CUZD1: variants seen among roughly 807,000 people sequenced by gnomAD.
CUZD1 encodes CUB and zona pellucida-like domain-containing protein 1.
In CUZD1, 42 loss-of-function variants were observed where a neutral mutation model predicts 53.1. The ratio of observed to expected loss-of-function variants is 0.79; its 90% CI spans 0.62 to 1.02. The LOEUF (loss-of-function observed/expected upper bound fraction) is 1.02. CUZD1 is among the 50% of genes least tolerant of loss of function. CUZD1 has a pLI of 0.00. For missense variants in CUZD1, 670 were observed against 715.7 expected, an observed-to-expected ratio of 0.94 and a Z score of 0.73; for synonymous variants, 238 against 257.2, an observed-to-expected ratio of 0.93 and a Z score of 0.71.
Position 122,835,074 on chromosome 10 carries a change from G to T in CUZD1, c.1014C>A (p.Tyr338Ter). Residue 338 changes from tyrosine (Y) to a stop codon, truncating the protein, a stop_gained, in exon 7 of 9, where the codon TAC becomes TAA. Coordinates refer to ENST00000392790, the MANE Select transcript of CUZD1 (RefSeq NM_022034.6). LOFTEE classifies it high-confidence loss of function. The part of the protein sequence containing the change: ...IRKVEDQSIT[Y>*]TNIITFSASS... The stretch of plus-strand genomic sequence containing the variant: ...ATGCAGAAAAGGTGATTATATTGGT[G>T]TAAGTAATTGACTGATCTTCTACCT... The T allele has an allele frequency of 1.9e-6, 3 of 1,584,738 alleles. No individual in the cohort carries two copies. Among genetic ancestry groups the T allele is most frequent in the Admixed American group, 1.8e-5 (1 of 55,896 alleles).
chr10:122,836,441 TA>T, intron 5 of CUZD1, 91 bp from the exon 6 acceptor site: 1 of 1,169,002 alleles, frequency 8.6e-7, no homozygotes, highest in Non-Finnish European at 1.2e-6. Flanking sequence ...AGTAAATATA[TA>T]AAAAGTCAAA....
In CUZD1 at chr10:122,834,807, A is replaced by G; in HGVS notation, c.1281T>C (p.Ser427=). 6.2e-7 allele frequency: 1 copy of G among 1,613,910 alleles called. No individual in the cohort carries two copies. The highest frequency in any genetic ancestry group is 8.5e-7 in the Non-Finnish European group (1 of 1,179,842). The change falls in exon 7 of 9, where the codon AGT becomes AGC. Residue 427 remains serine (S), a synonymous_variant. Transcript: ENST00000392790. ...CCAAATTTGGATCTGAGGTGTGCAG[A>G]CTAACTTGAACAAAAAGAGTTTGGT... ...DLNQTLFVQV[S]LHTSDPNLVV...
Position 122,836,895 on chromosome 10 carries a change from A to T in CUZD1, c.753T>A (p.Tyr251Ter). The change falls in exon 5 of 9, where the codon TAT becomes TAA. Residue 251 changes from tyrosine (Y) to a stop codon, truncating the protein, a stop_gained. Transcript: ENST00000392790. LOFTEE classifies it high-confidence loss of function. ...CAGAAAATCCCCGGTAAGAATTGGC[A>T]TAATCTGTAGACAACACGACAGTCA... ...NSLTVVLSTDYANSYRGFSAS... is the reference protein window; with the variant it reads ...NSLTVVLSTD The T allele has an allele frequency of 6.2e-7, 1 of 1,614,168 alleles. No individual in the cohort carries two copies. The highest frequency in any genetic ancestry group is 8.5e-7 in the Non-Finnish European group (1 of 1,180,002).
chr10:122,834,028 A>AG, intron 7 of CUZD1, 88 bp from the exon 8 acceptor site: 1 of 1,139,888 alleles, frequency 8.8e-7, no homozygotes, highest in Non-Finnish European at 1.3e-6. Context: ...CTAAGTTGTG[A>AG]ATCCAAAAAT....
chr10:122,843,693 T>C (rs1847380326), intron 1 of CUZD1, among the ~76,000 whole-genome samples: 1 of 151,530 alleles, frequency 6.6e-6, no homozygotes. Context: ...ATATCCAGAA[T>C]AAGTAAATTT....
chr10:122,839,249 C>A lies in CUZD1; in HGVS notation c.234-18G>T. The A allele has an allele frequency of 6.2e-7, 1 of 1,610,736 alleles. No homozygotes were observed. Among genetic ancestry groups the A allele is most frequent in the Non-Finnish European group, 8.5e-7 (1 of 1,177,258 alleles). On this transcript the variant is annotated intron_variant, in intron 2 of 8. Coordinates refer to ENST00000392790, the MANE Select transcript of CUZD1 (RefSeq NM_022034.6). ...GATCAAGCCTGTGGAAAAAACACAACTGTGGCTGAAGAAGTGTCACAAGCA... is the reference window on the plus strand; with the variant it reads ...GATCAAGCCTGTGGAAAAAACACAAATGTGGCTGAAGAAGTGTCACAAGCA...
chr10:122,842,995 C>T (rs1370670130), intron 1 of CUZD1, among the ~76,000 whole-genome samples: 1 of 152,196 alleles, frequency 6.6e-6, no homozygotes, highest in Non-Finnish European at 1.5e-5. Flanking sequence ...AACTGGAATG[C>T]TTATACACTG....
At chr10:122,836,461 G>A in intron 5 of CUZD1, 111 bp from the exon 6 acceptor site, 3 of 923,470 alleles carry the variant, frequency 3.2e-6, no homozygotes, top group Middle Eastern at 3.4e-4. Context: ...AAACCATTTT[G>A]CCCTAAACAG....
At position 122,832,399 on chromosome 10, in the gene CUZD1, C is replaced by G; in HGVS notation, c.1703G>C (p.Ser568Thr). The change falls in exon 9 of 9, where the codon AGT becomes ACT. Residue 568 changes from serine (S) to threonine (T), a missense_variant. Coordinates refer to ENST00000392790, the MANE Select transcript of CUZD1 (RefSeq NM_022034.6). ...AACCATGAAGGAAAACAGATGCACA[C>G]TGTTGAAAGGCTGGTTTGGAGTTTC... The part of the protein sequence containing the change: ...AEETPNQPFN[S>T]VHLFSFMVLA... 1 of 1,614,134 alleles carries G rather than the reference C, an allele frequency of 6.2e-7. No individual in the cohort carries two copies.
chr10:122,836,188 G>A lies in CUZD1; in HGVS notation c.980C>T (p.Thr327Ile). The A allele has an allele frequency of 2.5e-6, 4 of 1,602,892 alleles. No individual in the cohort carries two copies. The highest frequency in any genetic ancestry group is 3.4e-6 in the Non-Finnish European group (4 of 1,176,618). ...EFSVPLNGCG[T>I]IRKVEDQSIT... is the part of the protein sequence containing the mutation. Reference sequence around the variant, plus strand: ...AGTATTTCACTTTACCTTTCTGATTGTACCACATCCATTAAGAGGGACAGA... The same window carrying A: ...AGTATTTCACTTTACCTTTCTGATTATACCACATCCATTAAGAGGGACAGA... The change falls in exon 6 of 9, where the codon ACA (threonine) becomes ATA (isoleucine). Residue 327 changes from threonine to isoleucine, a missense_variant. Thr to Ile is a moderately conservative substitution (Grantham distance 89). Transcript: ENST00000392790.
chr10:122,840,088 C>T (rs1322526329), intron 2 of CUZD1, among the ~76,000 whole-genome samples: 2 of 152,208 alleles, frequency 1.3e-5, no homozygotes, highest in South Asian at 4.1e-4. Flanking sequence ...CCCACAATTT[C>T]TCTTCCCCTC....
Position 122,845,775 on chromosome 10 carries a change from C to T in CUZD1, c.69G>A (p.Met23Ile), listed in dbSNP as rs537258967. 7 of 1,613,906 alleles carry T rather than the reference C, an allele frequency of 4.3e-6. No individual in the cohort carries two copies. The highest frequency in any genetic ancestry group is 5.1e-6 in the Non-Finnish European group (6 of 1,179,912). Residue 23 changes from methionine (M) to isoleucine (I), a missense_variant, in exon 1 of 9, where the codon ATG becomes ATA. Met to Ile is a conservative substitution (Grantham distance 10). Coordinates refer to ENST00000392790, the MANE Select transcript of CUZD1 (RefSeq NM_022034.6). Reference sequence around the variant, plus strand: ...CAATTTTCTTACCTTCAGCCTCCGCCATTGTCAGCTCCGCCAAACAGGAGA... The same window carrying T: ...CAATTTTCTTACCTTCAGCCTCCGCTATTGTCAGCTCCGCCAAACAGGAGA... ...LILSCLAELTMAEAEGNASCT... is the reference protein window; with the variant it reads ...LILSCLAELTIAEAEGNASCT...
intron 2 of CUZD1, 106 bp from the exon 3 acceptor site, chr10:122,839,337 ATC>A (rs1847300690): frequency 1.1e-6 from 1 of 938,400 alleles, no homozygotes; most frequent in South Asian, 1.5e-5. Context: ...GTGGTGGCAC[ATC>A]TGTTTTCATT....
chr10:122,839,312 A>T, intron 2 of CUZD1, 81 bp from the exon 3 acceptor site: 1 of 1,220,088 alleles, frequency 8.2e-7, no homozygotes. Context: ...TCACCTAGGC[A>T]TGTAAATTTA....
chr10:122,833,772 G>A lies in CUZD1; in HGVS notation c.1551C>T (p.Val517=), dbSNP rs1261827354. The A allele has an allele frequency of 6.2e-7, 1 of 1,614,002 alleles. No individual in the cohort carries two copies. Among genetic ancestry groups the A allele is most frequent in the Non-Finnish European group, 8.5e-7 (1 of 1,179,974 alleles). Reference sequence around the variant, plus strand: ...AAGAAATGTCTCGTTTGCTTCTGGAGACACAACCTTGATTGCAGCGAGACT... The same window carrying A: ...AAGAAATGTCTCGTTTGCTTCTGGAAACACAACCTTGATTGCAGCGAGACT... ...DHQSRCNQGC[V]SRSKRDISSY... The change falls in exon 8 of 9, where the codon GTC becomes GTT. Residue 517 remains valine, a synonymous_variant. Transcript: ENST00000392790.
intron 8 of CUZD1, among the ~76,000 whole-genome samples, chr10:122,833,022 T>C (rs928264317): frequency 5.9e-5 from 9 of 152,228 alleles, no homozygotes; most frequent in African/African-American, 2.2e-4. Flanking sequence ...TACTCCTTTA[T>C]AGTGCTAACA....
intron 1 of CUZD1, among the ~76,000 whole-genome samples, chr10:122,842,629 T>C (rs914339889): frequency 6.6e-6 from 1 of 152,208 alleles, no homozygotes; most frequent in Non-Finnish European, 1.5e-5. Context: ...AGTCAGCATG[T>C]CTGTATCTAT....
intron 4 of CUZD1, 95 bp from the exon 5 acceptor site, chr10:122,837,143 T>C: frequency 1.1e-6 from 1 of 919,480 alleles, no homozygotes; most frequent in Non-Finnish European, 1.6e-6. Flanking sequence ...TGATTATGGA[T>C]TTTTTTTTTC....
Position 122,832,332 on chromosome 10 carries a change from C to CCT in CUZD1, c.1768_1769dup (p.His591GlyfsTer4). On this transcript the variant is annotated frameshift_variant, in exon 9 of 9. Transcript: ENST00000392790. LOFTEE classifies it low-confidence loss of function (END_TRUNC). Reference sequence around the variant, plus strand: ...AGTCTGCCCGTTGATTTACAAAATGCCTCACTGTGATTGTCGCTACAGTCA... The same window carrying CCT: ...AGTCTGCCCGTTGATTTACAAAATGCCTCTCACTGTGATTGTCGCTACAGTCA... The CCT allele has an allele frequency of 6.2e-7, 1 of 1,614,060 alleles. No homozygotes were observed. The highest frequency in any genetic ancestry group is 8.5e-7 in the Non-Finnish European group (1 of 1,179,948).
Sources: allele counts gnomAD v4.1 joint callset (sites outside exome capture counted in the v4.1 genomes callset), GRCh38; gene constraint gnomAD v4.1.1; transcripts MANE v1.5; gene names NCBI Gene and HGNC (gene_info 2026-07-23, HGNC 2026-07-21).